TLN2: variants seen among roughly 807,000 people sequenced by gnomAD.
TLN2 encodes talin 2.
TLN2 carries 118 observed loss-of-function variants against 294.7 expected under a neutral mutation model. That is an observed-to-expected ratio of 0.40 (90% CI 0.34 to 0.47). The LOEUF (loss-of-function observed/expected upper bound fraction) is 0.47, where lower values mean the gene tolerates loss of function less well. Among genes scored for constraint, TLN2 ranks in the 20% least tolerant of loss-of-function variants. The probability of loss-of-function intolerance (pLI) is 0.84; values close to 1 mark genes in which losing one functional copy is unlikely to be tolerated. For synonymous variants in TLN2, 1,431 were observed against 1,304.5 expected, an observed-to-expected ratio of 1.10 and a Z score of -2.09; for missense variants, 3,083 against 3,282.2, an observed-to-expected ratio of 0.94 and a Z score of 1.48.
chr15:62,429,850 A>G (rs994988211), intron 1 of TLN2, among the ~76,000 whole-genome samples: 6 of 152,194 alleles, frequency 3.9e-5, no homozygotes, highest in African/African-American at 1.4e-4. Context: ...GCCCATAATA[A>G]TGTAATTGAG....
intron 1 of TLN2, among the ~76,000 whole-genome samples, chr15:62,500,798 C>G (rs1185474921): frequency 6.6e-6 from 1 of 152,200 alleles, no homozygotes; most frequent in Non-Finnish European, 1.5e-5. Flanking sequence ...GCAACTTTTT[C>G]CTGCTATTTA....
chr15:62,791,308 C>G (rs2065061781), intron 45 of TLN2, among the ~76,000 whole-genome samples: 1 of 152,050 alleles, frequency 6.6e-6, no homozygotes, highest in South Asian at 2.1e-4. Flanking sequence ...GAGCCAAGAC[C>G]ACACCACTGC....
chr15:62,524,532 T>C (rs150827395), intron 1 of TLN2, among the ~76,000 whole-genome samples: 4 of 151,984 alleles, frequency 2.6e-5, no homozygotes, highest in African/African-American at 9.7e-5. Flanking sequence ...TTTCTGAACC[T>C]TGGATAGGAC....
Position 62,739,494 on chromosome 15 carries a change from T to A in TLN2, c.3834T>A (p.Asp1278Glu). The stretch of plus-strand genomic sequence containing the variant: ...CTGCAGCCTCTGGAAAGTTCAGTGA[T>A]GATTTTGATGAATTCCTCGATGCTG... Reference protein sequence around the residue: ...ELAAASGKFSDDFDEFLDAGI... With the variant: ...ELAAASGKFSEDFDEFLDAGI... The change falls in exon 31 of 59, where the codon GAT (aspartate) becomes GAA (glutamate). Residue 1278 changes from aspartate (D) to glutamate (E), a missense_variant. By Grantham distance (45) the Asp-to-Glu change is conservative. Transcript: ENST00000636159. 3 of 1,614,180 alleles carry A rather than the reference T, an allele frequency of 1.9e-6. No homozygotes were observed. The highest frequency in any genetic ancestry group is 1.1e-5 in the South Asian group (1 of 91,074).
At chr15:62,662,872 G>A (rs1278581839) in intron 9 of TLN2, among the ~76,000 whole-genome samples, 4 of 34,068 alleles carry the variant, frequency 1.2e-4, no homozygotes, top group African/African-American at 1.5e-4. Flanking sequence ...CGCCCAGGCT[G>A]GAGTGCAGTG....
chr15:62,788,643 C>T (rs970813759), intron 45 of TLN2, among the ~76,000 whole-genome samples: 8 of 152,022 alleles, frequency 5.3e-5, no homozygotes, highest in Non-Finnish European at 8.8e-5. Flanking sequence ...CGCTAGTATG[C>T]GAGCCACTTT....
chr15:62,697,963 G>A (rs532598224), intron 15 of TLN2, 95 bp downstream of exon 15: 13 of 1,433,878 alleles, frequency 9.1e-6, no homozygotes, highest in East Asian at 7.5e-5. Flanking sequence ...GTGTTGGAAC[G>A]CTCTCTATTT....
At chr15:62,511,890 GTT>G (rs923997752) in intron 1 of TLN2, among the ~76,000 whole-genome samples, 2 of 152,090 alleles carry the variant, frequency 1.3e-5, no homozygotes, top group African/African-American at 4.8e-5. Context: ...TCTTCTGGGT[GTT>G]TTTCTGAGAA....
At chr15:62,445,794 T>A (rs2035791249) in intron 1 of TLN2, among the ~76,000 whole-genome samples, 1 of 151,808 alleles carries the variant, frequency 6.6e-6, no homozygotes, top group African/African-American at 2.4e-5. Flanking sequence ...CTCCCAAGTA[T>A]CTGGAACTAC....
At chr15:62,634,270 CT>C (rs762772771) in intron 3 of TLN2, among the ~76,000 whole-genome samples, 3 of 152,212 alleles carry the variant, frequency 2.0e-5, no homozygotes, top group Non-Finnish European at 2.9e-5. Flanking sequence ...GATGAGGCCC[CT>C]TTCCAATTCA....
chr15:62,510,870 T>C (rs1039285640), intron 1 of TLN2, among the ~76,000 whole-genome samples: 6 of 152,366 alleles, frequency 3.9e-5, no homozygotes, highest in Admixed American at 2.6e-4. Context: ...TATAGAGTGA[T>C]ACCACATGCT....
At chr15:62,399,470 A>ATC (rs2032854219) in intron 1 of TLN2, among the ~76,000 whole-genome samples, 1 of 152,020 alleles carries the variant, frequency 6.6e-6, no homozygotes, top group Non-Finnish European at 1.5e-5. Flanking sequence ...AGAATAGTAG[A>ATC]TCCACCAACA....
intron 1 of TLN2, among the ~76,000 whole-genome samples, chr15:62,392,803 C>A (rs545951811): frequency 6.6e-6 from 1 of 152,056 alleles, no homozygotes; most frequent in East Asian, 1.9e-4. Flanking sequence ...GGGAGATGTG[C>A]CTGGAGATGT....
At chr15:62,448,493 C>G (rs1243827003) in intron 1 of TLN2, among the ~76,000 whole-genome samples, 1 of 152,206 alleles carries the variant, frequency 6.6e-6, no homozygotes, top group Non-Finnish European at 1.5e-5. Context: ...CCAGTACCCT[C>G]TCTGTCATGT....
At chr15:62,813,756 A>G (rs1388836032) in intron 52 of TLN2, among the ~76,000 whole-genome samples, 1 of 152,188 alleles carries the variant, frequency 6.6e-6, no homozygotes, top group Non-Finnish European at 1.5e-5. Flanking sequence ...CTCTAGATGT[A>G]AAGATGGAGG....
At chr15:62,818,939 T>C (rs1447696259) in intron 52 of TLN2, among the ~76,000 whole-genome samples, 4 of 152,168 alleles carry the variant, frequency 2.6e-5, no homozygotes, top group Non-Finnish European at 1.5e-5. Context: ...CACTGCAGCC[T>C]TGACCTCCTG....
chr15:62,543,947 G>C (rs2041847030), intron 1 of TLN2, among the ~76,000 whole-genome samples: 1 of 152,106 alleles, frequency 6.6e-6, no homozygotes, highest in Non-Finnish European at 1.5e-5. Context: ...ATAGGGCCTT[G>C]GGCTATTCAG....
rs771481163 is a variant in TLN2, at chr15:62,727,208, A to G, written c.3358+19A>G. 116 of 1,606,422 alleles carry G rather than the reference A, an allele frequency of 7.2e-5. 2 individuals are homozygous for G. In the South Asian group the frequency reaches 1.2e-3, roughly 16 times the overall value. ...TACACAGGTGAGACCCACGCCCTTCATGCCACTGTGGCCAGCTTCAGGCCA... is the reference window on the plus strand; with the variant it reads ...TACACAGGTGAGACCCACGCCCTTCGTGCCACTGTGGCCAGCTTCAGGCCA... On this transcript the variant is annotated intron_variant, in intron 28 of 58. Coordinates refer to ENST00000636159, the MANE Select transcript of TLN2 (RefSeq NM_015059.3).
chr15:62,528,496 T>C (rs2040857250), intron 1 of TLN2, among the ~76,000 whole-genome samples: 1 of 152,118 alleles, frequency 6.6e-6, no homozygotes, highest in African/African-American at 2.4e-5. Flanking sequence ...TCTGCGACAC[T>C]CTGTTCCACA....
Sources: allele counts gnomAD v4.1 joint callset (sites outside exome capture counted in the v4.1 genomes callset), GRCh38; gene constraint gnomAD v4.1.1; transcripts MANE v1.5; gene names NCBI Gene and HGNC (gene_info 2026-07-23, HGNC 2026-07-21).